Variants in PTPRD observed in about 807,000 individuals in gnomAD.
PTPRD encodes receptor-type tyrosine-protein phosphatase delta.
Under a neutral mutation model 214.5 loss-of-function variants are expected in PTPRD, and 34 were observed. The ratio of observed to expected loss-of-function variants is 0.16; its 90% confidence interval spans 0.12 to 0.21. PTPRD has a LOEUF of 0.21. PTPRD is among the 10% of genes least tolerant of loss of function. PTPRD has a pLI of 1.00. For missense variants in PTPRD, 2,545 were observed against 2,398.7 expected (o/e 1.06, Z -1.27); for synonymous variants, 1,128 against 845.7 (o/e 1.33, Z -5.79).
At chr9:9,929,735 G>C (rs940801826) in intron 5 of PTPRD, among the ~76,000 whole-genome samples, 1 of 152,154 alleles carries the variant, frequency 6.6e-6, no homozygotes. Context: ...ACAGGGCCTG[G>C]ATAAGGTTGA....
chr9:10,345,807 A>G (rs2097066853), intron 2 of PTPRD, among the ~76,000 whole-genome samples: 1 of 152,182 alleles, frequency 6.6e-6, no homozygotes, highest in Non-Finnish European at 1.5e-5. Context: ...GTCAAATGGT[A>G]TTTCTGGTTC....
intron 2 of PTPRD, among the ~76,000 whole-genome samples, chr9:10,416,038 A>G (rs983693998): frequency 1.4e-4 from 22 of 151,920 alleles, no homozygotes; most frequent in African/African-American, 5.1e-4. Context: ...TTCAAAGATA[A>G]GAAAAAAGTG....
chr9:10,479,352 G>A (rs2099082213), intron 2 of PTPRD, among the ~76,000 whole-genome samples: 1 of 151,886 alleles, frequency 6.6e-6, no homozygotes, highest in Admixed American at 6.6e-5. Context: ...TAGGAAAGGT[G>A]GAAAAAAACA....
At chr9:9,653,677 G>C (rs1299913825) in intron 7 of PTPRD, among the ~76,000 whole-genome samples, 1 of 152,040 alleles carries the variant, frequency 6.6e-6, no homozygotes, top group Non-Finnish European at 1.5e-5. Flanking sequence ...TATAAGCTTT[G>C]AAATTGTTTG....
At chr9:9,468,341 C>T (rs934678387) in intron 8 of PTPRD, among the ~76,000 whole-genome samples, 1 of 151,946 alleles carries the variant, frequency 6.6e-6, no homozygotes, top group Non-Finnish European at 1.5e-5. Context: ...GAAATACATA[C>T]ATTTCAAAAA....
At chr9:9,391,533 A>T (rs780715924) in intron 9 of PTPRD, among the ~76,000 whole-genome samples, 7 of 152,154 alleles carry the variant, frequency 4.6e-5, no homozygotes, top group Non-Finnish European at 1.0e-4. Context: ...AATGATTTTA[A>T]TCAAGGCACT....
chr9:10,553,433 C>A (rs890677731), intron 2 of PTPRD, among the ~76,000 whole-genome samples: 2 of 151,338 alleles, frequency 1.3e-5, no homozygotes, highest in Non-Finnish European at 2.9e-5. Context: ...AATTAAAATT[C>A]TCATCCCTGA....
intron 12 of PTPRD, among the ~76,000 whole-genome samples, chr9:8,664,448 C>T (rs1435140504): frequency 2.6e-5 from 4 of 152,148 alleles, no homozygotes; most frequent in Non-Finnish European, 5.9e-5. Flanking sequence ...ACTATGGGTA[C>T]AAATACAAGG....
chr9:8,772,368 T>C (rs1419835929), intron 11 of PTPRD, among the ~76,000 whole-genome samples: 1 of 135,412 alleles, frequency 7.4e-6, no homozygotes, highest in African/African-American at 2.7e-5. Context: ...ACTTACTTTT[T>C]AAAACATAAA....
intron 10 of PTPRD, among the ~76,000 whole-genome samples, chr9:9,032,546 T>A (rs2099608939): frequency 6.6e-6 from 1 of 152,022 alleles, no homozygotes; most frequent in East Asian, 1.9e-4. Context: ...CCCCAAGGAC[T>A]GCAGGCAATG....
intron 3 of PTPRD, among the ~76,000 whole-genome samples, chr9:10,155,212 T>C (rs2099085740): frequency 6.6e-6 from 1 of 152,148 alleles, no homozygotes; most frequent in African/African-American, 2.4e-5. Flanking sequence ...GTGGCAATTT[T>C]GAATGAGATA....
chr9:9,485,832 A>G (rs1329882353), intron 8 of PTPRD, among the ~76,000 whole-genome samples: 1 of 152,066 alleles, frequency 6.6e-6, no homozygotes, highest in Admixed American at 6.6e-5. Flanking sequence ...CCTTCCCATC[A>G]GTGTCTATGT....
intron 7 of PTPRD, among the ~76,000 whole-genome samples, chr9:9,627,217 G>A (rs965167321): frequency 2.0e-5 from 3 of 152,164 alleles, no homozygotes; most frequent in African/African-American, 7.2e-5. Context: ...TGAAGCAGGA[G>A]AATCGCTTGA....
intron 12 of PTPRD, among the ~76,000 whole-genome samples, chr9:8,695,224 G>A (rs1023969763): frequency 6.6e-6 from 1 of 152,142 alleles, no homozygotes; most frequent in African/African-American, 2.4e-5. Flanking sequence ...TGCCAATCTT[G>A]TGAGTAAATA....
At chr9:8,961,633 C>T (rs1198355417) in intron 11 of PTPRD, among the ~76,000 whole-genome samples, 1 of 152,116 alleles carries the variant, frequency 6.6e-6, no homozygotes, top group African/African-American at 2.4e-5. Flanking sequence ...CTGATTTCAT[C>T]ATTTGTGCCC....
chr9:8,527,380 AAGAC>A (rs1490863821), intron 15 of PTPRD, 27 bp from the exon 16 acceptor site: 15 of 1,601,654 alleles, frequency 9.4e-6, no homozygotes, highest in African/African-American at 1.3e-5. Context: ...GGAGAGAAGA[AAGAC>A]AGCATAAAAA....
At chr9:9,430,335 C>A (rs1588201025) in intron 8 of PTPRD, among the ~76,000 whole-genome samples, 1 of 151,526 alleles carries the variant, frequency 6.6e-6, no homozygotes. Context: ...CCTAGGAATC[C>A]AACTTACATG....
chr9:10,139,840 C>T (rs73624718), intron 3 of PTPRD, among the ~76,000 whole-genome samples: 1 of 152,016 alleles, frequency 6.6e-6, no homozygotes, highest in Non-Finnish European at 1.5e-5. Flanking sequence ...TAGCCATATG[C>T]AGAAGAATGA....
intron 5 of PTPRD, among the ~76,000 whole-genome samples, chr9:9,786,426 G>T (rs545626577): frequency 6.6e-6 from 1 of 152,278 alleles, no homozygotes; most frequent in Non-Finnish European, 1.5e-5. Flanking sequence ...GTATATAATG[G>T]TATGAGGTCA....
Sources: gnomAD v4.1 joint callset for allele counts (sites outside exome capture counted in the v4.1 genomes callset) on GRCh38, gnomAD v4.1.1 for gene constraint, MANE v1.5 for transcripts, NCBI Gene and HGNC (gene_info 2026-07-23, HGNC 2026-07-21) for gene names.